CDH4: variants seen among roughly 807,000 people sequenced by gnomAD.
The protein encoded by CDH4 is cadherin 4.
CDH4 carries 33 observed loss-of-function variants against 86.0 expected under a neutral mutation model. The observed-to-expected ratio is 0.38, with a 90% CI of 0.29 to 0.51. The LOEUF is 0.51. CDH4 is among the 20% of genes least tolerant of loss of function. The pLI is 0.86. For missense variants in CDH4, 1,114 were observed against 1,307.4 expected (o/e 0.85, Z 2.28); for synonymous variants, 555 against 549.4 (o/e 1.01, Z -0.14).
rs370388897 is a variant in CDH4 at position 61,904,713 on chromosome 20, A to G, written c.1189-5709A>G. Among the ~76,000 whole-genome samples, 12 of 152,232 alleles carry G rather than the reference A, an allele frequency of 7.9e-5. No individual in the cohort carries two copies. In the East Asian group the frequency reaches 1.4e-3, roughly 17 times the overall value. ...GGACCACCCTGCTGTGGGGAACAGA[A>G]CTTCCCTCCCACTGCCTCCCACGTG... is the stretch of plus-strand genomic sequence containing the variant. On this transcript the variant is annotated intron_variant, in intron 8 of 15. Coordinates refer to ENST00000614565, the MANE Select transcript of CDH4 (RefSeq NM_001794.5).
intron 4 of CDH4, among the ~76,000 whole-genome samples, chr20:61,828,965 A>C (rs1172965741): frequency 1.3e-5 from 2 of 152,216 alleles, no homozygotes; most frequent in Non-Finnish European, 2.9e-5. Flanking sequence ...TGCAGCCTCC[A>C]TCCACATGCG....
chr20:61,883,421 G>C (rs1984385538), intron 7 of CDH4, among the ~76,000 whole-genome samples: 1 of 152,168 alleles, frequency 6.6e-6, no homozygotes, highest in Admixed American at 6.5e-5. Context: ...ACAGCTCGGT[G>C]GGGGGCACCA....
intron 2 of CDH4, among the ~76,000 whole-genome samples, chr20:61,608,514 G>C (rs181279787): frequency 2.6e-5 from 4 of 152,218 alleles, no homozygotes; most frequent in African/African-American, 9.6e-5. Context: ...CGTGGTGATG[G>C]ACGATTCTGC....
chr20:61,818,922 C>T (rs943905210), intron 4 of CDH4, among the ~76,000 whole-genome samples: 7 of 152,138 alleles, frequency 4.6e-5, no homozygotes, highest in African/African-American at 1.4e-4. Flanking sequence ...GGGGCTCTCT[C>T]GGACCTCTGC....
chr20:61,370,528 C>G (rs991258676), intron 2 of CDH4: 3 of 152,150 alleles, frequency 2.0e-5, no homozygotes, highest in Admixed American at 1.3e-4. Context: ...CCTCTATAGA[C>G]AGGGAGTATC....
intron 2 of CDH4, among the ~76,000 whole-genome samples, chr20:61,381,775 A>G (rs770633580): frequency 1.1e-4 from 17 of 152,178 alleles, no homozygotes; most frequent in Non-Finnish European, 1.6e-4. Flanking sequence ...TCAGAAAACT[A>G]TTTAAAAAGA....
intron 2 of CDH4, among the ~76,000 whole-genome samples, chr20:61,346,862 G>A (rs562994173): frequency 2.0e-5 from 3 of 152,290 alleles, no homozygotes; most frequent in Admixed American, 2.0e-4. Flanking sequence ...GTGGGCCAGG[G>A]TGGGAATTAG....
At chr20:61,875,122 C>T (rs1396387087) in intron 7 of CDH4, among the ~76,000 whole-genome samples, 3 of 152,198 alleles carry the variant, frequency 2.0e-5, no homozygotes, top group Non-Finnish European at 4.4e-5. Flanking sequence ...TGGGACCCCC[C>T]GGGGCCTCCA....
At chr20:61,727,324 G>T (rs778033063) in intron 2 of CDH4, among the ~76,000 whole-genome samples, 2 of 151,090 alleles carry the variant, frequency 1.3e-5, no homozygotes, top group Non-Finnish European at 3.0e-5. Flanking sequence ...CATCACCATC[G>T]GTGCCATCAT....
chr20:61,851,318 G>A (rs1174608672), intron 5 of CDH4, among the ~76,000 whole-genome samples: 1 of 152,192 alleles, frequency 6.6e-6, no homozygotes, highest in Non-Finnish European at 1.5e-5. Context: ...CACAATGTAG[G>A]GGGTAAAATT....
intron 2 of CDH4, among the ~76,000 whole-genome samples, chr20:61,726,289 G>C (rs980659500): frequency 4.6e-5 from 7 of 152,138 alleles, no homozygotes; most frequent in African/African-American, 1.7e-4. Flanking sequence ...CCTCATGGTG[G>C]AGTGAGTTAT....
At chr20:61,667,895 G>T (rs1263648251) in intron 2 of CDH4, among the ~76,000 whole-genome samples, 1 of 152,164 alleles carries the variant, frequency 6.6e-6, no homozygotes, top group East Asian at 1.9e-4. Context: ...CAAGGCGGAG[G>T]GACCCCACCA....
At chr20:61,634,091 C>G (rs1017101594) in intron 2 of CDH4, among the ~76,000 whole-genome samples, 1 of 152,140 alleles carries the variant, frequency 6.6e-6, no homozygotes, top group African/African-American at 2.4e-5. Context: ...CAGGGAGGTG[C>G]TATTATTTAC....
At chr20:61,596,425 CAGGAG>C (rs2086557946) in intron 2 of CDH4, among the ~76,000 whole-genome samples, 1 of 152,156 alleles carries the variant, frequency 6.6e-6, no homozygotes, top group Non-Finnish European at 1.5e-5. Context: ...GGAAGGGTGT[CAGGAG>C]AGGCCCCCTG....
intron 2 of CDH4, among the ~76,000 whole-genome samples, chr20:61,576,950 C>T (rs1393395314): frequency 6.6e-6 from 1 of 152,174 alleles, no homozygotes; most frequent in Non-Finnish European, 1.5e-5. Context: ...TTGCAAGAGC[C>T]ATAAAGTGCA....
intron 2 of CDH4, among the ~76,000 whole-genome samples, chr20:61,304,116 C>A (rs1345542296): frequency 6.6e-6 from 1 of 152,156 alleles, no homozygotes; most frequent in Non-Finnish European, 1.5e-5. Context: ...AAAGGCCAGG[C>A]ATTCCTTTCC....
intron 8 of CDH4, among the ~76,000 whole-genome samples, chr20:61,909,182 A>T (rs563198792): frequency 1.3e-5 from 2 of 152,344 alleles, no homozygotes; most frequent in African/African-American, 4.8e-5. Flanking sequence ...GAAGGGGAGC[A>T]GAGCTGCCTG....
intron 6 of CDH4, among the ~76,000 whole-genome samples, chr20:61,872,517 G>A (rs986595822): frequency 5.9e-5 from 9 of 152,156 alleles, no homozygotes; most frequent in South Asian, 2.1e-4. Flanking sequence ...CTGGCCCGCC[G>A]CATGACCCCA....
At chr20:61,648,503 G>A (rs2087088946) in intron 2 of CDH4, among the ~76,000 whole-genome samples, 1 of 152,202 alleles carries the variant, frequency 6.6e-6, no homozygotes, top group Non-Finnish European at 1.5e-5. Context: ...GCTCTGCCGA[G>A]CCCCACTTTG....
Sources: allele counts gnomAD v4.1 joint callset (sites outside exome capture counted in the v4.1 genomes callset), GRCh38; gene constraint gnomAD v4.1.1; transcripts MANE v1.5; gene names NCBI Gene and HGNC (gene_info 2026-07-23, HGNC 2026-07-21).